Variants in ATP6V0E1 observed in about 807,000 individuals in gnomAD.
ATP6V0E1 encodes the protein V-type proton ATPase subunit e 1.
Under a neutral mutation model 11.6 loss-of-function variants are expected in ATP6V0E1, and 4 were observed. The ratio of observed to expected loss-of-function variants is 0.35; its 90% CI spans 0.17 to 0.79. The LOEUF is 0.79. Among genes scored for constraint, ATP6V0E1 ranks in the 30% least tolerant of loss-of-function variants. ATP6V0E1 has a pLI of 0.54. For missense variants in ATP6V0E1, 105 were observed against 100.0 expected (o/e 1.05, Z -0.21); for synonymous variants, 36 against 34.8 (o/e 1.04, Z -0.13).
At chr5:172,996,879 A>C (rs919608710) in intron 2 of ATP6V0E1, among the ~76,000 whole-genome samples, 2 of 152,126 alleles carry the variant, frequency 1.3e-5, no homozygotes, top group African/African-American at 4.8e-5. Flanking sequence ...ACAATTGCCA[A>C]GACTGAAATC....
At chr5:173,011,392 C>T (rs1030902039) in intron 2 of ATP6V0E1, among the ~76,000 whole-genome samples, 2 of 151,964 alleles carry the variant, frequency 1.3e-5, no homozygotes, top group Non-Finnish European at 2.9e-5. Context: ...CCATGTTGCT[C>T]AGGCTGGTCT....
intron 1 of ATP6V0E1, among the ~76,000 whole-genome samples, chr5:172,985,606 C>T (rs1755885064): frequency 6.6e-6 from 1 of 152,230 alleles, no homozygotes; most frequent in African/African-American, 2.4e-5. Flanking sequence ...CATTACCCTA[C>T]TGTCTGCCTT....
intron 3 of ATP6V0E1, among the ~76,000 whole-genome samples, chr5:173,024,572 C>A (rs1756528359): frequency 6.6e-6 from 1 of 152,048 alleles, no homozygotes; most frequent in South Asian, 2.1e-4. Flanking sequence ...CTGAATTCCC[C>A]ACTAAAAGGA....
chr5:173,034,569 C>G lies in ATP6V0E1; in HGVS notation c.*207C>G, dbSNP rs146948215. ...GCCTTTTTTGCACTTTGGTGAATTA[C>G]GTGCCTCCATAACCTGAACTGTGCC... On this transcript the variant is annotated 3_prime_UTR_variant, in exon 4 of 4. Coordinates refer to ENST00000519374, the MANE Select transcript of ATP6V0E1 (RefSeq NM_003945.4). 12 of 665,278 alleles carry G rather than the reference C, an allele frequency of 1.8e-5. No individual in the cohort carries two copies. In the East Asian group the frequency reaches 3.3e-4, roughly 18 times the overall value. 41.2% of individuals were successfully genotyped at this position (665,278 alleles called of 1,614,324 possible). A position where few individuals can be genotyped will look rare whatever the true frequency, so the allele number is the denominator to read the frequency against.
At chr5:172,986,282 TTTAC>T (rs1385173591) in intron 1 of ATP6V0E1, among the ~76,000 whole-genome samples, 1 of 152,192 alleles carries the variant, frequency 6.6e-6, no homozygotes, top group Non-Finnish European at 1.5e-5. Context: ...CTGTAACTTT[TTTAC>T]TTAAACTTTT....
At chr5:173,000,361 A>T (rs1581627624) in intron 2 of ATP6V0E1, among the ~76,000 whole-genome samples, 1 of 152,172 alleles carries the variant, frequency 6.6e-6, no homozygotes, top group African/African-American at 2.4e-5. Flanking sequence ...AAGTTACTAT[A>T]CTATATTTCT....
At chr5:173,025,422 G>A (rs1756543612) in intron 3 of ATP6V0E1, among the ~76,000 whole-genome samples, 1 of 150,924 alleles carries the variant, frequency 6.6e-6, no homozygotes, top group African/African-American at 2.4e-5. Context: ...TCGGATTACA[G>A]GTATGAGCCA....
intron 3 of ATP6V0E1, among the ~76,000 whole-genome samples, chr5:173,022,548 C>T (rs529928559): frequency 5.3e-5 from 8 of 152,274 alleles, no homozygotes; most frequent in Admixed American, 2.6e-4. Flanking sequence ...TGCACAATCA[C>T]GGCTAACTGC....
chr5:173,010,248 T>C (rs1205490476), intron 2 of ATP6V0E1, among the ~76,000 whole-genome samples: 1 of 152,184 alleles, frequency 6.6e-6, no homozygotes, highest in Non-Finnish European at 1.5e-5. Context: ...TGAGAATGAC[T>C]CAGTGCTACA....
intron 2 of ATP6V0E1, among the ~76,000 whole-genome samples, chr5:173,012,510 T>C (rs956400939): frequency 1.4e-4 from 21 of 151,828 alleles, no homozygotes; most frequent in Non-Finnish European, 2.9e-4. Flanking sequence ...CCCAGCACTT[T>C]GGGAGGCCAA....
intron 3 of ATP6V0E1, among the ~76,000 whole-genome samples, chr5:173,031,243 C>T (rs563956126): frequency 1.8e-4 from 27 of 151,608 alleles, no homozygotes; most frequent in African/African-American, 6.0e-4. Flanking sequence ...CGTGCCCGGC[C>T]TAATTTTTGT....
At chr5:173,001,925 T>G (rs1958858472) in intron 2 of ATP6V0E1, among the ~76,000 whole-genome samples, 1 of 152,058 alleles carries the variant, frequency 6.6e-6, no homozygotes, top group Non-Finnish European at 1.5e-5. Flanking sequence ...TCCATGTTGG[T>G]CAGGCTAGTC....
chr5:172,995,182 C>G (rs1261563939), intron 2 of ATP6V0E1, among the ~76,000 whole-genome samples: 1 of 152,212 alleles, frequency 6.6e-6, no homozygotes, highest in Non-Finnish European at 1.5e-5. Flanking sequence ...CAGCTCACTG[C>G]AACCTCGGCC....
chr5:173,004,795 CTG>C (rs1347110628), intron 2 of ATP6V0E1, among the ~76,000 whole-genome samples: 1 of 152,144 alleles, frequency 6.6e-6, no homozygotes, highest in Non-Finnish European at 1.5e-5. Context: ...ATGACTGCTT[CTG>C]AAGGTTGTAG....
chr5:173,016,539 T>C (rs1191647285), intron 2 of ATP6V0E1, among the ~76,000 whole-genome samples: 1 of 152,230 alleles, frequency 6.6e-6, no homozygotes, highest in Non-Finnish European at 1.5e-5. Context: ...GTTTTCATTC[T>C]GTGCTATATT....
intron 2 of ATP6V0E1, among the ~76,000 whole-genome samples, chr5:173,001,447 A>G (rs1377497862): frequency 1.3e-5 from 2 of 152,158 alleles, no homozygotes; most frequent in Non-Finnish European, 2.9e-5. Flanking sequence ...CACAGCCCAC[A>G]GAAACTCCAC....
At chr5:172,998,191 T>A (rs1756095946) in intron 2 of ATP6V0E1, among the ~76,000 whole-genome samples, 2 of 84,062 alleles carry the variant, frequency 2.4e-5, no homozygotes, top group South Asian at 8.5e-4. Context: ...AAATTTAGTC[T>A]TTTTTTTTTT....
At chr5:173,025,512 T>TG (rs1756545671) in intron 3 of ATP6V0E1, among the ~76,000 whole-genome samples, 1 of 133,026 alleles carries the variant, frequency 7.5e-6, no homozygotes, top group African/African-American at 2.9e-5. Context: ...TACTTTTTTT[T>TG]TTTTTTTTTT....
chr5:172,992,207 C>G (rs374597416), intron 1 of ATP6V0E1, among the ~76,000 whole-genome samples: 56 of 152,248 alleles, frequency 3.7e-4, no homozygotes, highest in Admixed American at 9.2e-4. Context: ...CCCGCCACCA[C>G]GCCCGGCTAA....
Sources: allele counts gnomAD v4.1 joint callset (sites outside exome capture counted in the v4.1 genomes callset), GRCh38; gene constraint gnomAD v4.1.1; transcripts MANE v1.5; gene names NCBI Gene and HGNC (gene_info 2026-07-23, HGNC 2026-07-21).